COP1: variants seen among roughly 807,000 people sequenced by gnomAD.
The protein encoded by COP1 is COP1 E3 ubiquitin ligase, also known as E3 ubiquitin-protein ligase COP1.
Under a neutral mutation model 101.3 loss-of-function variants are expected in COP1, and 24 were observed. The ratio of observed to expected loss-of-function variants is 0.24; its 90% CI spans 0.17 to 0.33. The LOEUF is 0.33. COP1 is among the 10% of genes least tolerant of loss of function. The pLI is 1.00. For synonymous variants in COP1, 347 were observed against 341.9 expected, an observed-to-expected ratio of 1.01 and a Z score of -0.17; for missense variants, 663 against 906.2, an observed-to-expected ratio of 0.73 and a Z score of 3.45.
intron 1 of COP1, 72 bp downstream of exon 1, chr1:176,206,500 C>A (rs910764141): frequency 6.5e-7 from 1 of 1,545,028 alleles, no homozygotes; most frequent in African/African-American, 1.4e-5. Context: ...CCACACCAGA[C>A]CCCCCGCCCC....
intron 11 of COP1, among the ~76,000 whole-genome samples, chr1:176,061,337 C>T (rs1199778217): frequency 6.6e-6 from 1 of 152,184 alleles, no homozygotes; most frequent in Non-Finnish European, 1.5e-5. Context: ...CAGGAAAAAA[C>T]TGAACCTCGG....
chr1:176,205,939 C>G (rs1301487800), intron 1 of COP1, among the ~76,000 whole-genome samples: 1 of 152,198 alleles, frequency 6.6e-6, no homozygotes, highest in Non-Finnish European at 1.5e-5. Context: ...AATCTGTTAA[C>G]AGACTTTGAC....
chr1:176,202,295 T>C (rs1375552173), intron 1 of COP1, among the ~76,000 whole-genome samples: 1 of 150,822 alleles, frequency 6.6e-6, no homozygotes, highest in African/African-American at 2.4e-5. Flanking sequence ...GCTCAAGTGA[T>C]CCTCCCATCT....
At chr1:176,119,419 T>C (rs1686737148) in intron 8 of COP1, among the ~76,000 whole-genome samples, 1 of 152,234 alleles carries the variant, frequency 6.6e-6, no homozygotes, top group African/African-American at 2.4e-5. Context: ...TACAGTGATA[T>C]AATTCTACAT....
chr1:176,076,003 CAAAAAA>C (rs60998287), intron 11 of COP1, among the ~76,000 whole-genome samples: 33 of 96,536 alleles, frequency 3.4e-4, no homozygotes, highest in Admixed American at 3.1e-3. Flanking sequence ...AACTCCATCT[CAAAAAA>C]AAAAAAAAAA....
At chr1:176,010,384 A>G (rs1193935599) in intron 15 of COP1, among the ~76,000 whole-genome samples, 1 of 152,212 alleles carries the variant, frequency 6.6e-6, no homozygotes, top group Non-Finnish European at 1.5e-5. Flanking sequence ...GGGCCTGAAT[A>G]TTTATTAAGT....
intron 15 of COP1, among the ~76,000 whole-genome samples, chr1:176,011,637 G>GTT (rs1553218499): frequency 6.6e-6 from 1 of 152,148 alleles, no homozygotes; most frequent in African/African-American, 2.4e-5. Flanking sequence ...CTTCAAAATA[G>GTT]TAACTGTTTT....
chr1:175,952,372 A>C (rs529495657), intron 18 of COP1, among the ~76,000 whole-genome samples: 8 of 151,850 alleles, frequency 5.3e-5, no homozygotes, highest in African/African-American at 1.7e-4. Flanking sequence ...CAGTGAGCCA[A>C]GATGGCACCA....
intron 15 of COP1, among the ~76,000 whole-genome samples, chr1:176,000,857 T>C (rs1340658819): frequency 6.6e-6 from 1 of 152,070 alleles, no homozygotes; most frequent in East Asian, 1.9e-4. Context: ...AGAGTGTTTT[T>C]TCTGGGGATT....
chr1:176,203,885 G>T (rs1484819362), intron 1 of COP1, among the ~76,000 whole-genome samples: 1 of 152,156 alleles, frequency 6.6e-6, no homozygotes, highest in East Asian at 1.9e-4. Context: ...AAGGAGGGGA[G>T]AAGGACAGGT....
intron 11 of COP1, 44 bp from the exon 12 acceptor site, chr1:176,046,368 ATT>A: frequency 6.3e-7 from 1 of 1,576,940 alleles, no homozygotes; most frequent in Non-Finnish European, 8.6e-7. Flanking sequence ...AGAATTTGCT[ATT>A]TTCTATTTCT....
chr1:176,152,184 G>C (rs1213987119), intron 5 of COP1, among the ~76,000 whole-genome samples: 1 of 151,854 alleles, frequency 6.6e-6, no homozygotes, highest in African/African-American at 2.4e-5. Flanking sequence ...CCAGCTACTT[G>C]GGAAGCTCAA....
intron 19 of COP1, among the ~76,000 whole-genome samples, chr1:175,945,864 C>A (rs16849436): frequency 4.6e-5 from 7 of 152,146 alleles, no homozygotes; most frequent in Non-Finnish European, 1.0e-4. Flanking sequence ...TCAGCTAAGG[C>A]TTGACTAATA....
chr1:176,187,965 A>ATTAGTGCCC (rs1698680300), intron 1 of COP1, among the ~76,000 whole-genome samples: 1 of 151,980 alleles, frequency 6.6e-6, no homozygotes, highest in Non-Finnish European at 1.5e-5. Context: ...CATGAAAGGG[A>ATTAGTGCCC]TTAGTGCCCT....
At position 176,086,490 on chromosome 1, in the gene COP1, T is replaced by C. The variant is rs1484424010; in HGVS notation, c.1027-600A>G. On this transcript the variant is annotated intron_variant, in intron 9 of 19. Transcript: ENST00000367669. Reference sequence around the variant, plus strand: ...ATCCACCCGCCTCGGCCTCCCAAAGTGCTGGGATTACAGGCATGAGCCACT... The same window carrying C: ...ATCCACCCGCCTCGGCCTCCCAAAGCGCTGGGATTACAGGCATGAGCCACT... 2.0e-5 allele frequency among the ~76,000 whole-genome samples: 3 copies of C among 152,120 alleles called. 1 individual carries two copies. Among genetic ancestry groups the C allele is most frequent in the Middle Eastern group, 6.3e-3 (2 of 316 alleles).
intron 9 of COP1, among the ~76,000 whole-genome samples, chr1:176,090,125 GAT>G (rs1680997946): frequency 6.6e-6 from 1 of 152,076 alleles, no homozygotes; most frequent in Admixed American, 6.5e-5. Context: ...CAGGTCTTTG[GAT>G]AGTAACTTAA....
intron 18 of COP1, among the ~76,000 whole-genome samples, chr1:175,981,989 G>C (rs1263457171): frequency 6.6e-6 from 1 of 152,090 alleles, no homozygotes. Flanking sequence ...AATGACATCT[G>C]TGAAGTGGGG....
chr1:175,965,329 A>T (rs919572963), intron 18 of COP1, among the ~76,000 whole-genome samples: 2 of 152,192 alleles, frequency 1.3e-5, no homozygotes, highest in African/African-American at 4.8e-5. Flanking sequence ...GAAGAAATAC[A>T]GATATAAGAT....
At chr1:176,161,524 G>A (rs547330225) in intron 5 of COP1, among the ~76,000 whole-genome samples, 1 of 152,090 alleles carries the variant, frequency 6.6e-6, no homozygotes, top group African/African-American at 2.4e-5. Context: ...CTTGAGCCCA[G>A]GGGGTAGAGG....
Sources: gnomAD v4.1 joint callset for allele counts (sites outside exome capture counted in the v4.1 genomes callset) on GRCh38, gnomAD v4.1.1 for gene constraint, MANE v1.5 for transcripts, NCBI Gene and HGNC (gene_info 2026-07-23, HGNC 2026-07-21) for gene names.